Variants in ADAMTS19 observed in about 807,000 individuals in gnomAD.
ADAMTS19 encodes ADAM metallopeptidase with thrombospondin type 1 motif 19.
A neutral mutation model predicts 153.3 loss-of-function variants in ADAMTS19; 93 were observed. The observed-to-expected ratio is 0.61, with a 90% confidence interval of 0.51 to 0.72. ADAMTS19 has a LOEUF of 0.72. ADAMTS19 is among the 30% of genes least tolerant of loss of function. The pLI is 0.00. For missense variants in ADAMTS19, 1,482 were observed against 1,552.1 expected (o/e 0.95, Z 0.76); for synonymous variants, 600 against 556.6 (o/e 1.08, Z -1.10).
chr5:129,533,497 A>G (rs6869263), intron 6 of ADAMTS19, among the ~76,000 whole-genome samples: 3,448 of 152,156 alleles, frequency 0.023, 142 homozygotes, highest in African/African-American at 0.078. Context: ...CTTCTTCATT[A>G]GTCTTGCGAG....
intron 3 of ADAMTS19, among the ~76,000 whole-genome samples, chr5:129,519,449 G>T (rs926280284): frequency 6.6e-6 from 1 of 152,042 alleles, no homozygotes; most frequent in Admixed American, 6.6e-5. Flanking sequence ...TAGGGGAGGG[G>T]TGATGCCAGA....
In ADAMTS19 at chr5:129,526,318, A is replaced by AT; in HGVS notation, c.948_949insT (p.Ser317Ter). ...GACCTAGGTCTAGAAAAATAGCAGA[A>AT]AGTGGAAGAGGGAAACGATATTCAT... On this transcript the variant is annotated frameshift_variant, in exon 4 of 23. Coordinates refer to ENST00000274487, the MANE Select transcript of ADAMTS19 (RefSeq NM_133638.6). LOFTEE classifies it high-confidence loss of function. 6.3e-7 allele frequency: 1 copy of AT among 1,594,096 alleles called. No homozygotes were observed. The highest frequency in any genetic ancestry group is 8.5e-7 in the Non-Finnish European group (1 of 1,172,648).
chr5:129,653,335 T>A (rs1753398972), intron 13 of ADAMTS19, among the ~76,000 whole-genome samples: 2 of 152,168 alleles, frequency 1.3e-5, no homozygotes, highest in Admixed American at 1.3e-4. Context: ...CGTTTCAGAT[T>A]TGGATAATAG....
chr5:129,577,447 A>G (rs2126876328), intron 7 of ADAMTS19, among the ~76,000 whole-genome samples: 1 of 152,250 alleles, frequency 6.6e-6, no homozygotes, highest in African/African-American at 2.4e-5. Flanking sequence ...AATAGCCCAT[A>G]CAAATAAGGG....
intron 16 of ADAMTS19, among the ~76,000 whole-genome samples, chr5:129,674,661 C>T (rs1402016529): frequency 1.3e-5 from 2 of 152,128 alleles, no homozygotes; most frequent in Non-Finnish European, 2.9e-5. Flanking sequence ...AATGTAAGCT[C>T]CTTAAAACAG....
Position 129,737,789 on chromosome 5 carries a change from A to C in ADAMTS19, c.*571A>C, listed in dbSNP as rs1757734192. 1 of 152,408 alleles carries C rather than the reference A, an allele frequency of 6.6e-6. No homozygotes were observed. Among genetic ancestry groups the C allele is most frequent in the Admixed American group, 6.6e-5 (1 of 15,224 alleles). 9.4% of individuals were successfully genotyped at this position (152,408 alleles called of 1,614,324 possible). On this transcript the variant is annotated 3_prime_UTR_variant, in exon 23 of 23. Transcript: ENST00000274487. ...TAGGAAAAATTCTGCTGTAATTATA[A>C]CCTTATTTTGATATGGAAAAGAAAA...
intron 2 of ADAMTS19, among the ~76,000 whole-genome samples, chr5:129,468,643 T>C (rs4836458): frequency 0.28 from 42,920 of 152,012 alleles, 7,079 homozygotes; most frequent in African/African-American, 0.45. Context: ...TGAGCCACTG[T>C]GCCTGGCCAA....
At chr5:129,659,704 C>G (rs1403757764) in intron 15 of ADAMTS19, among the ~76,000 whole-genome samples, 1 of 152,114 alleles carries the variant, frequency 6.6e-6, no homozygotes, top group Non-Finnish European at 1.5e-5. Context: ...ACTCAGTCTC[C>G]CAAGTAGCCG....
chr5:129,557,052 A>G (rs1383616924), intron 7 of ADAMTS19, among the ~76,000 whole-genome samples: 1 of 152,180 alleles, frequency 6.6e-6, no homozygotes, highest in Non-Finnish European at 1.5e-5. Flanking sequence ...AAACGTGGTG[A>G]TTTCAAATCT....
intron 2 of ADAMTS19, among the ~76,000 whole-genome samples, chr5:129,496,188 G>C (rs571296246): frequency 6.6e-6 from 1 of 152,062 alleles, no homozygotes; most frequent in East Asian, 1.9e-4. Context: ...ATTATCCAAG[G>C]GTTCTAAGTG....
At chr5:129,578,075 C>CATATAT (rs1749254556) in intron 7 of ADAMTS19, among the ~76,000 whole-genome samples, 1 of 128,896 alleles carries the variant, frequency 7.8e-6, no homozygotes, top group African/African-American at 2.6e-5. Context: ...CACACACACA[C>CATATAT]ACACATATAT....
intron 8 of ADAMTS19, among the ~76,000 whole-genome samples, chr5:129,608,857 G>GAA (rs1308665628): frequency 1.3e-5 from 1 of 74,338 alleles, no homozygotes; most frequent in African/African-American, 4.0e-5. Flanking sequence ...AAAAAAAAAA[G>GAA]AAAAAAAAAA....
chr5:129,537,254 A>G lies in ADAMTS19; in HGVS notation c.1328+8577A>G, dbSNP rs573520484. Among the ~76,000 whole-genome samples the G allele has an allele frequency of 1.4e-4, 21 of 152,224 alleles. No individual in the cohort carries two copies. In the East Asian group the frequency reaches 3.9e-3, roughly 28 times the overall value. ...CCATCTCACACCAGTTAGAATGGCA[A>G]TCATTAAAAGGTCAGGAAACAACAG... On this transcript the variant is annotated intron_variant, in intron 6 of 22. Transcript: ENST00000274487.
At chr5:129,525,166 G>A (rs1362782405) in intron 3 of ADAMTS19, among the ~76,000 whole-genome samples, 1 of 152,054 alleles carries the variant, frequency 6.6e-6, no homozygotes, top group East Asian at 1.9e-4. Context: ...ATGGCTGTAT[G>A]TTTTAGATCA....
intron 7 of ADAMTS19, among the ~76,000 whole-genome samples, chr5:129,560,949 C>A (rs1313634655): frequency 2.0e-5 from 3 of 152,038 alleles, no homozygotes; most frequent in African/African-American, 7.2e-5. Flanking sequence ...TCTTTGTACT[C>A]CTTTACATTC....
At chr5:129,607,546 T>A (rs985854204) in intron 8 of ADAMTS19, among the ~76,000 whole-genome samples, 1 of 152,200 alleles carries the variant, frequency 6.6e-6, no homozygotes, top group African/African-American at 2.4e-5. Context: ...AGGAATGCAA[T>A]TGTCTTGACT....
chr5:129,725,478 G>A (rs246243), intron 21 of ADAMTS19, among the ~76,000 whole-genome samples: 2 of 151,970 alleles, frequency 1.3e-5, no homozygotes, highest in Non-Finnish European at 2.9e-5. Context: ...GGTCATATAC[G>A]AGTTAAACTC....
rs550066029 is a variant in ADAMTS19, at chr5:129,712,329, T to C, written c.3312+7938T>C. On this transcript the variant is annotated intron_variant, in intron 21 of 22. Transcript: ENST00000274487. Reference sequence around the variant, plus strand: ...AGCGTTTGGACATTGAAAAAACCTATCCCAAGATATCCTAAAAAAGAAACA... The same window carrying C: ...AGCGTTTGGACATTGAAAAAACCTACCCCAAGATATCCTAAAAAAGAAACA... 4.6e-5 allele frequency among the ~76,000 whole-genome samples: 7 copies of C among 152,276 alleles called. No individual in the cohort carries two copies. The South Asian group carries it at 1.4e-3, about 32-fold the overall frequency.
intron 2 of ADAMTS19, among the ~76,000 whole-genome samples, chr5:129,488,141 T>C (rs1375576755): frequency 1.3e-5 from 2 of 152,088 alleles, no homozygotes; most frequent in African/African-American, 4.8e-5. Flanking sequence ...TTATGTTGAA[T>C]TGAAAATATT....
Sources: allele counts gnomAD v4.1 joint callset (sites outside exome capture counted in the v4.1 genomes callset), GRCh38; gene constraint gnomAD v4.1.1; transcripts MANE v1.5; gene names NCBI Gene and HGNC (gene_info 2026-07-23, HGNC 2026-07-21).